The following KIAA2012 variants were observed in gnomAD, a reference collection of about 807,000 sequenced individuals.
KIAA2012 encodes the protein uncharacterized protein KIAA2012.
Under a neutral mutation model 150.6 loss-of-function variants are expected in KIAA2012, and 125 were observed. The ratio of observed to expected loss-of-function variants is 0.83; its 90% CI spans 0.72 to 0.96. The LOEUF is 0.96. Among genes scored for constraint, KIAA2012 ranks in the 40% least tolerant of loss-of-function variants. The pLI, the probability that KIAA2012 is intolerant of heterozygous loss-of-function variation, is 0.00. For synonymous variants in KIAA2012, 462 were observed against 504.7 expected (o/e 0.92, Z 1.13); for missense variants, 1,219 against 1,354.9 (o/e 0.90, Z 1.57).
At chr2:202,094,200 T>C (rs959158148) in intron 4 of KIAA2012, among the ~76,000 whole-genome samples, 3 of 152,148 alleles carry the variant, frequency 2.0e-5, no homozygotes, top group Admixed American at 2.0e-4. Flanking sequence ...GAAGGATCAC[T>C]TGAGCCCAGG....
intron 5 of KIAA2012, among the ~76,000 whole-genome samples, chr2:202,099,409 A>G (rs933842276): frequency 3.3e-5 from 5 of 152,150 alleles, no homozygotes; most frequent in African/African-American, 1.2e-4. Flanking sequence ...GCTAAGTATC[A>G]TTCTTTCCAT....
At chr2:202,088,654 C>G (rs1689640412) in intron 2 of KIAA2012, among the ~76,000 whole-genome samples, 1 of 152,192 alleles carries the variant, frequency 6.6e-6, no homozygotes, top group Non-Finnish European at 1.5e-5. Flanking sequence ...CACCCTTTCA[C>G]TTACATTATT....
At chr2:202,201,452 G>A in intron 22 of KIAA2012, 1 of 1,593,202 alleles carries the variant, frequency 6.3e-7, no homozygotes, top group Non-Finnish European at 8.6e-7. Flanking sequence ...CGAGGACATT[G>A]GCTGCCTGCA....
At chr2:202,150,096 C>A (rs1691391723) in intron 13 of KIAA2012, among the ~76,000 whole-genome samples, 1 of 152,190 alleles carries the variant, frequency 6.6e-6, no homozygotes, top group Non-Finnish European at 1.5e-5. Context: ...AGATAATAAT[C>A]CTGGATTTTC....
At chr2:202,188,395 C>A in intron 18 of KIAA2012, 129 bp downstream of exon 18, 1 of 688,594 alleles carries the variant, frequency 1.5e-6, no homozygotes, top group Non-Finnish European at 2.4e-6. Flanking sequence ...CTACTACAGC[C>A]AAGATGGTGT....
chr2:202,079,746 C>G (rs899896862), intron 2 of KIAA2012, among the ~76,000 whole-genome samples: 1 of 152,174 alleles, frequency 6.6e-6, no homozygotes, highest in Non-Finnish European at 1.5e-5. Context: ...AGAAGGAAAT[C>G]TTGTTTAGCA....
chr2:202,160,461 C>T (rs111304755), intron 14 of KIAA2012, among the ~76,000 whole-genome samples: 11 of 151,938 alleles, frequency 7.2e-5, no homozygotes, highest in African/African-American at 2.4e-4. Flanking sequence ...CTACAGGCGC[C>T]CGCCACCATG....
At chr2:202,147,374 A>G (rs1329713679) in intron 13 of KIAA2012, among the ~76,000 whole-genome samples, 4 of 152,180 alleles carry the variant, frequency 2.6e-5, no homozygotes, top group Non-Finnish European at 5.9e-5. Context: ...GAGGGGAGGC[A>G]GGGAATTTGG....
intron 13 of KIAA2012, among the ~76,000 whole-genome samples, chr2:202,142,842 A>C (rs1484412641): frequency 6.6e-6 from 1 of 152,034 alleles, no homozygotes; most frequent in African/African-American, 2.4e-5. Flanking sequence ...ATGATTGTTC[A>C]TACTAGAAAC....
Position 202,165,362 on chromosome 2 carries a change from G to A in KIAA2012, c.2119+6G>A, listed in dbSNP as rs1264661581. On this transcript the variant is annotated splice_donor_region_variant and intron_variant, in intron 15 of 23. Coordinates refer to ENST00000498697, the MANE Select transcript of KIAA2012 (RefSeq NM_001277372.4). ...AACTCACCACAACGACCAAGGTACA[G>A]ACCACTAGGTGGGGCTTTATAATCT... is the stretch of plus-strand genomic sequence containing the variant. 13 of 1,549,032 alleles carry A rather than the reference G, an allele frequency of 8.4e-6. No homozygotes were observed. Among genetic ancestry groups the A allele is most frequent in the Non-Finnish European group, 1.0e-5 (12 of 1,146,260 alleles).
At chr2:202,120,526 C>G (rs141480821) in intron 11 of KIAA2012, among the ~76,000 whole-genome samples, 1 of 152,360 alleles carries the variant, frequency 6.6e-6, no homozygotes, top group Non-Finnish European at 1.5e-5. Context: ...GCTTTTCCCA[C>G]TGCATCACAC....
intron 4 of KIAA2012, among the ~76,000 whole-genome samples, chr2:202,093,615 G>A (rs976519113): frequency 6.6e-6 from 1 of 152,164 alleles, no homozygotes; most frequent in African/African-American, 2.4e-5. Context: ...GCAATATGAT[G>A]TGAAATATAT....
chr2:202,197,458 A>G (rs1215274768), intron 22 of KIAA2012: 1 of 173,554 alleles, frequency 5.8e-6, no homozygotes, highest in Non-Finnish European at 1.3e-5. Context: ...CAAGACAGAG[A>G]AGGTCTCTCT....
At chr2:202,088,614 C>G (rs1373107659) in intron 2 of KIAA2012, among the ~76,000 whole-genome samples, 1 of 152,190 alleles carries the variant, frequency 6.6e-6, no homozygotes, top group African/African-American at 2.4e-5. Context: ...CGTGCACCCT[C>G]TCACCTTACC....
intron 13 of KIAA2012, among the ~76,000 whole-genome samples, chr2:202,142,058 C>T (rs1164004159): frequency 6.6e-6 from 1 of 151,942 alleles, no homozygotes; most frequent in African/African-American, 2.4e-5. Context: ...AAGACAGAAA[C>T]AATTCATATC....
At chr2:202,144,128 A>G (rs1229899225) in intron 13 of KIAA2012, among the ~76,000 whole-genome samples, 1 of 152,176 alleles carries the variant, frequency 6.6e-6, no homozygotes, top group African/African-American at 2.4e-5. Flanking sequence ...CCCTTTGTTT[A>G]AACTATTTCC....
At chr2:202,171,429 CG>C (rs1351305993) in intron 15 of KIAA2012, among the ~76,000 whole-genome samples, 5 of 152,104 alleles carry the variant, frequency 3.3e-5, no homozygotes, top group African/African-American at 1.2e-4. Flanking sequence ...AGCGCCGCTC[CG>C]GGTCCCCGCG....
intron 14 of KIAA2012, among the ~76,000 whole-genome samples, chr2:202,158,504 C>CA (rs1691581956): frequency 6.6e-6 from 1 of 152,134 alleles, no homozygotes; most frequent in African/African-American, 2.4e-5. Context: ...CCATTTGTTG[C>CA]ATGTGAACTT....
At chr2:202,167,128 C>T (rs190670774) in intron 15 of KIAA2012, among the ~76,000 whole-genome samples, 81 of 151,452 alleles carry the variant, frequency 5.3e-4, no homozygotes, top group African/African-American at 1.8e-3. Context: ...GAGCCAAGAT[C>T]GCACCACTGC....
Sources: allele counts gnomAD v4.1 joint callset (sites outside exome capture counted in the v4.1 genomes callset), GRCh38; gene constraint gnomAD v4.1.1; transcripts MANE v1.5; gene names NCBI Gene and HGNC (gene_info 2026-07-23, HGNC 2026-07-21).